MTMR7: variants seen among roughly 807,000 people sequenced by gnomAD.
MTMR7 encodes phosphatidylinositol-3-phosphate phosphatase MTMR7.
A neutral mutation model predicts 81.2 loss-of-function variants in MTMR7; 76 were observed. That is an observed-to-expected ratio of 0.94 (90% CI 0.78 to 1.13). The LOEUF is 1.13. Among genes scored for constraint, MTMR7 ranks in the 50% most tolerant of loss-of-function variants. The probability of loss-of-function intolerance (pLI) is 0.00; values close to 1 mark genes in which losing one functional copy is unlikely to be tolerated. For synonymous variants in MTMR7, 372 were observed against 289.8 expected (o/e 1.28, Z -2.88); for missense variants, 1,044 against 820.0 (o/e 1.27, Z -3.34).
chr8:17,362,746 G>A (rs1010452585), intron 3 of MTMR7, among the ~76,000 whole-genome samples: 1 of 152,126 alleles, frequency 6.6e-6, no homozygotes, highest in African/African-American at 2.4e-5. Flanking sequence ...CCTTAGCATA[G>A]TGATAGTATT....
chr8:17,300,809 ACTT>A (rs2150456853), intron 13 of MTMR7, among the ~76,000 whole-genome samples: 1 of 152,296 alleles, frequency 6.6e-6, no homozygotes, highest in South Asian at 2.1e-4. Context: ...CTACTGATCA[ACTT>A]CTATCTCTAT....
At chr8:17,336,913 T>C (rs1819258231) in intron 6 of MTMR7, among the ~76,000 whole-genome samples, 1 of 152,104 alleles carries the variant, frequency 6.6e-6, no homozygotes. Context: ...ACGGAGCGAG[T>C]GTGGGCTCTG....
chr8:17,344,333 C>T (rs1819492299), intron 5 of MTMR7, among the ~76,000 whole-genome samples: 2 of 152,170 alleles, frequency 1.3e-5, no homozygotes, highest in African/African-American at 4.8e-5. Context: ...AGCATAAAGC[C>T]AGGCACAGTG....
At chr8:17,397,514 A>G (rs1050794886) in intron 1 of MTMR7, among the ~76,000 whole-genome samples, 4 of 152,306 alleles carry the variant, frequency 2.6e-5, no homozygotes, top group Non-Finnish European at 4.4e-5. Context: ...AGAGCAGGAC[A>G]GACTTTGTCT....
intron 6 of MTMR7, chr8:17,338,808 A>C (rs560518082): frequency 1.3e-5 from 2 of 152,128 alleles, no homozygotes; most frequent in South Asian, 4.1e-4. Context: ...CTTTACTTAT[A>C]ATCTAGTAGA....
chr8:17,343,068 G>A (rs1819449790), intron 5 of MTMR7, among the ~76,000 whole-genome samples: 2 of 152,148 alleles, frequency 1.3e-5, no homozygotes, highest in South Asian at 4.1e-4. Context: ...CCTGCTCAGA[G>A]GGAATTCTTC....
chr8:17,383,774 G>C (rs559025475), intron 1 of MTMR7, among the ~76,000 whole-genome samples: 17 of 151,882 alleles, frequency 1.1e-4, no homozygotes, highest in African/African-American at 4.1e-4. Context: ...ATCCCCGAAA[G>C]ACTCGGTTCT....
intron 1 of MTMR7, among the ~76,000 whole-genome samples, chr8:17,410,654 G>C (rs1821713106): frequency 6.6e-6 from 1 of 152,136 alleles, no homozygotes; most frequent in Admixed American, 6.6e-5. Flanking sequence ...TCTGTTAAAG[G>C]CTTCAGTTAA....
intron 1 of MTMR7, among the ~76,000 whole-genome samples, chr8:17,377,995 C>G (rs1229680217): frequency 1.3e-5 from 2 of 152,142 alleles, no homozygotes; most frequent in East Asian, 1.9e-4. Context: ...ATGGATTATT[C>G]TCCCTACAGA....
intron 3 of MTMR7, among the ~76,000 whole-genome samples, chr8:17,368,275 G>A (rs1409206717): frequency 6.6e-6 from 1 of 152,130 alleles, no homozygotes; most frequent in African/African-American, 2.4e-5. Flanking sequence ...GCTGTGCTGT[G>A]CCGCCCGCTT....
chr8:17,304,290 C>G (rs1817309284), intron 12 of MTMR7, 89 bp downstream of exon 12: 2 of 1,401,252 alleles, frequency 1.4e-6, no homozygotes. Context: ...CCTCAAAGAT[C>G]AGTGTCATAC....
intron 10 of MTMR7, 37 bp downstream of exon 10, chr8:17,309,240 A>T: frequency 7.6e-7 from 1 of 1,323,172 alleles, no homozygotes; most frequent in Non-Finnish European, 1.1e-6. Flanking sequence ...CAGTGCTTTT[A>T]TTCTAAACAT....
chr8:17,385,751 A>G (rs7004626), intron 1 of MTMR7, among the ~76,000 whole-genome samples: 135,152 of 152,210 alleles, frequency 0.89, 60,156 homozygotes, highest in Middle Eastern at 0.95. Flanking sequence ...TGCTCCTACC[A>G]TGTAAGAAGT....
At chr8:17,331,345 C>A in intron 6 of MTMR7, 63 bp from the exon 7 acceptor site, 4 of 1,487,196 alleles carry the variant, frequency 2.7e-6, no homozygotes, top group Non-Finnish European at 3.6e-6. Flanking sequence ...ATGAAACAAC[C>A]AAAACATTTC....
intron 1 of MTMR7, among the ~76,000 whole-genome samples, chr8:17,399,741 T>C (rs1414893396): frequency 2.0e-5 from 3 of 152,062 alleles, no homozygotes. Context: ...GGCCAAGAGA[T>C]ATCCGCACTC....
At chr8:17,317,449 C>G (rs1818148353) in intron 7 of MTMR7, among the ~76,000 whole-genome samples, 1 of 152,184 alleles carries the variant, frequency 6.6e-6, no homozygotes, top group African/African-American at 2.4e-5. Flanking sequence ...CTCATTCTTC[C>G]ATACTTACAC....
intron 6 of MTMR7, among the ~76,000 whole-genome samples, chr8:17,335,263 A>G (rs535522103): frequency 2.0e-5 from 3 of 152,234 alleles, no homozygotes; most frequent in Admixed American, 1.3e-4. Flanking sequence ...CCACATCCGT[A>G]TCCTTCAAAC....
chr8:17,352,216 A>C (rs777270062), intron 4 of MTMR7, among the ~76,000 whole-genome samples: 14 of 152,224 alleles, frequency 9.2e-5, no homozygotes, highest in African/African-American at 3.4e-4. Context: ...ATTTTGCAGC[A>C]ATCAAACAGT....
chr8:17,317,348 G>T (rs1490037887), intron 7 of MTMR7, among the ~76,000 whole-genome samples: 1 of 152,192 alleles, frequency 6.6e-6, no homozygotes, highest in Non-Finnish European at 1.5e-5. Context: ...TTCGATGTTT[G>T]TAGGCCCCGG....
Sources: allele counts gnomAD v4.1 joint callset (sites outside exome capture counted in the v4.1 genomes callset), GRCh38; gene constraint gnomAD v4.1.1; transcripts MANE v1.5; gene names NCBI Gene and HGNC (gene_info 2026-07-23, HGNC 2026-07-21).